Variants in CTDSP2 observed in about 807,000 individuals in gnomAD.
CTDSP2 encodes the protein carboxy-terminal domain RNA polymerase II polypeptide A small phosphatase 2.
A neutral mutation model predicts 31.6 loss-of-function variants in CTDSP2; 9 were observed. The ratio of observed to expected loss-of-function variants is 0.28; its 90% confidence interval spans 0.17 to 0.50. The LOEUF (loss-of-function observed/expected upper bound fraction) is 0.50. Ranked by LOEUF, CTDSP2 falls within the 20% of genes least tolerant of loss-of-function variation. CTDSP2 has a pLI of 0.98. For synonymous variants in CTDSP2, 134 were observed against 134.5 expected, an observed-to-expected ratio of 1.00 and a Z score of 0.03; for missense variants, 267 against 348.5, an observed-to-expected ratio of 0.77 and a Z score of 1.86.
rs1046193879 is a variant in CTDSP2, at chr12:57,820,318, GA to G, written c.*3283del. On this transcript the variant is annotated 3_prime_UTR_variant, in exon 8 of 8. Coordinates refer to ENST00000398073, the MANE Select transcript of CTDSP2 (RefSeq NM_005730.4). The stretch of plus-strand genomic sequence containing the variant: ...ATTTACCAGCATTTAGAAAAAAGGA[GA>G]AAAAAGACAGAACTAAACCCGTTTA... 7.9e-5 allele frequency: 12 copies of G among 152,318 alleles called. No individual in the cohort carries two copies. The highest frequency in any genetic ancestry group is 2.9e-4 in the African/African-American group (12 of 41,572). 9.4% of individuals were successfully genotyped at this position (152,318 alleles called of 1,614,324 possible).
chr12:57,842,739 G>A (rs1956290309), intron 1 of CTDSP2: 1 of 152,430 alleles, frequency 6.6e-6, no homozygotes, highest in South Asian at 2.1e-4. Flanking sequence ...GAAGGTGAGA[G>A]GCACCAGCAG....
intron 1 of CTDSP2, among the ~76,000 whole-genome samples, chr12:57,836,385 G>C (rs1218985999): frequency 6.6e-6 from 1 of 152,192 alleles, no homozygotes; most frequent in African/African-American, 2.4e-5. Flanking sequence ...ATGGGCCGGG[G>C]TAGGTGGCTC....
At chr12:57,825,039 A>G (rs574509497) in intron 5 of CTDSP2, among the ~76,000 whole-genome samples, 1 of 152,062 alleles carries the variant, frequency 6.6e-6, no homozygotes, top group Non-Finnish European at 1.5e-5. Flanking sequence ...TTTTTTTTAG[A>G]GATGGGGTCT....
chr12:57,834,264 A>C (rs1194273099), intron 1 of CTDSP2, among the ~76,000 whole-genome samples: 1 of 152,188 alleles, frequency 6.6e-6, no homozygotes, highest in East Asian at 1.9e-4. Context: ...CCCAGGCTCA[A>C]GCAATCCTCC....
intron 2 of CTDSP2, among the ~76,000 whole-genome samples, chr12:57,827,979 C>A (rs2140475514): frequency 6.6e-6 from 1 of 152,286 alleles, no homozygotes; most frequent in African/African-American, 2.4e-5. Flanking sequence ...TCCTTGAGAA[C>A]ATGTTGTTTT....
rs1956153242 is a variant in CTDSP2 at position 57,822,520 on chromosome 12, G to A, written c.*1082C>T. 6.6e-6 allele frequency: 1 copy of A among 152,368 alleles called. No individual in the cohort carries two copies. Among genetic ancestry groups the A allele is most frequent in the African/African-American group, 2.4e-5 (1 of 41,458 alleles). The allele number at this position is 152,368 out of a possible 1,614,324, so 9.4% of individuals were successfully genotyped here. A position where few individuals can be genotyped will look rare whatever the true frequency, so the allele number is the denominator to read the frequency against. On this transcript the variant is annotated 3_prime_UTR_variant, in exon 8 of 8. Transcript: ENST00000398073. ...GCTCGGTACAGGACAGGCCCTGGGG[G>A]AAGACACAACAGGAAAAGAGCCCTG...
chr12:57,827,980 ATGT>A (rs1565844974), intron 2 of CTDSP2, among the ~76,000 whole-genome samples: 3 of 152,134 alleles, frequency 2.0e-5, no homozygotes, highest in African/African-American at 2.4e-5. Flanking sequence ...CCTTGAGAAC[ATGT>A]TGTTTTCCAT....
In CTDSP2 at chr12:57,826,990, A is replaced by T; in HGVS notation, c.354+6T>A. 1 of 1,602,972 alleles carries T rather than the reference A, an allele frequency of 6.2e-7. No individual in the cohort carries two copies. Among genetic ancestry groups the T allele is most frequent in the African/African-American group, 1.3e-5 (1 of 74,852 alleles). ...AAGGTAGGAAGGGTTCCAGACATTG[A>T]GTTACCTTAAAGGAGCTATGCACAA... On this transcript the variant is annotated splice_donor_region_variant and intron_variant, in intron 4 of 7. Transcript: ENST00000398073.
rs771264162 is a variant in CTDSP2, at chr12:57,829,456, T to C, written c.205A>G (p.Ile69Val). The change falls in exon 2 of 8, where the codon ATT becomes GTT. Residue 69 changes from isoleucine to valine, a missense_variant. Ile to Val is a conservative substitution (Grantham distance 29). Transcript: ENST00000398073. ...CACCCCAACCCACCTACCTTAGCAATGGTGTTTGCTTCCTCCTTATACGCA... is the reference window on the plus strand; with the variant it reads ...CACCCCAACCCACCTACCTTAGCAACGGTGTTTGCTTCCTCCTTATACGCA... ...LAAYKEEANT[I>V]AKSDLLQCLQ... The C allele has an allele frequency of 1.2e-6, 2 of 1,613,888 alleles. No individual in the cohort carries two copies. The highest frequency in any genetic ancestry group is 2.2e-5 in the South Asian group (2 of 91,076).
At chr12:57,830,498 C>A (rs1166166762) in intron 1 of CTDSP2, among the ~76,000 whole-genome samples, 2 of 152,182 alleles carry the variant, frequency 1.3e-5, no homozygotes, top group Non-Finnish European at 2.9e-5. Context: ...GCAGCCCCAG[C>A]CCCAAGGAAG....
chr12:57,837,916 G>A (rs531640348), intron 1 of CTDSP2, among the ~76,000 whole-genome samples: 9 of 152,136 alleles, frequency 5.9e-5, no homozygotes, highest in South Asian at 2.1e-4. Flanking sequence ...CCTGTGGGGC[G>A]AGGGTCACAG....
At position 57,846,362 on chromosome 12, in the gene CTDSP2, C is replaced by T. The variant is rs1232334598; in HGVS notation, c.64+10G>A. ...GGCGACGCAAAGTTTTGGGAAGTTG[C>T]TGCCCCTACCTTGCTTGGTGAGCAC... On this transcript the variant is annotated intron_variant, in intron 1 of 7. Transcript: ENST00000398073. 1 of 1,604,630 alleles carries T rather than the reference C, an allele frequency of 6.2e-7. No homozygotes were observed.
At chr12:57,841,569 C>G (rs1426803389) in intron 1 of CTDSP2, among the ~76,000 whole-genome samples, 1 of 152,234 alleles carries the variant, frequency 6.6e-6, no homozygotes, top group African/African-American at 2.4e-5. Flanking sequence ...GCCAAAGTCC[C>G]ACAGCCCAGG....
At position 57,822,266 on chromosome 12, in the gene CTDSP2, T is replaced by C. The variant is rs2140471014; in HGVS notation, c.*1336A>G. ...CCCTGGGAAAACTTCCATTTCGTGA[T>C]GACTTTAATTTTAAAGCATTCACTA... On this transcript the variant is annotated 3_prime_UTR_variant, in exon 8 of 8. Transcript: ENST00000398073. 1 of 152,514 alleles carries C rather than the reference T, an allele frequency of 6.6e-6. No homozygotes were observed. The highest frequency in any genetic ancestry group is 2.1e-4 in the South Asian group (1 of 4,830). 9.4% of individuals were successfully genotyped at this position (152,514 alleles called of 1,614,324 possible). A position where few individuals can be genotyped will look rare whatever the true frequency, so the allele number is the denominator to read the frequency against.
intron 1 of CTDSP2, among the ~76,000 whole-genome samples, chr12:57,841,494 AGACTCACAGG>A (rs1956282222): frequency 6.6e-6 from 1 of 152,242 alleles, no homozygotes; most frequent in Non-Finnish European, 1.5e-5. Flanking sequence ...TAGACTTTAG[AGACTCACAGG>A]GGGCACATGC....
intron 1 of CTDSP2, chr12:57,845,407 C>G (rs1956308634): frequency 6.6e-6 from 1 of 152,240 alleles, no homozygotes; most frequent in Admixed American, 6.5e-5. Flanking sequence ...CAGCTTTCTC[C>G]CGCCCCGGGA....
intron 5 of CTDSP2, among the ~76,000 whole-genome samples, chr12:57,825,723 T>C (rs1956178754): frequency 6.6e-6 from 1 of 152,206 alleles, no homozygotes; most frequent in African/African-American, 2.4e-5. Flanking sequence ...TTGAGTGCTC[T>C]TTACATTGAC....
chr12:57,825,539 A>G (rs1302109401), intron 5 of CTDSP2, among the ~76,000 whole-genome samples: 1 of 152,242 alleles, frequency 6.6e-6, no homozygotes, highest in East Asian at 1.9e-4. Flanking sequence ...CTATACCCTC[A>G]GCTAGACTGT....
chr12:57,831,557 G>A (rs1447355100), intron 1 of CTDSP2, among the ~76,000 whole-genome samples: 2 of 152,232 alleles, frequency 1.3e-5, no homozygotes, highest in East Asian at 3.8e-4. Context: ...TGGCCAGGAG[G>A]TGGCACTGCA....
Sources: allele counts gnomAD v4.1 joint callset (sites outside exome capture counted in the v4.1 genomes callset), GRCh38; gene constraint gnomAD v4.1.1; transcripts MANE v1.5; gene names NCBI Gene and HGNC (gene_info 2026-07-23, HGNC 2026-07-21).